The following BRSK2 variants were observed in gnomAD, a reference collection of about 807,000 sequenced individuals.
The protein encoded by BRSK2 is BR serine/threonine kinase 2, also known as serine/threonine-protein kinase BRSK2.
A neutral mutation model predicts 83.3 loss-of-function variants in BRSK2; 19 were observed. That is an observed-to-expected ratio of 0.23 (90% CI 0.16 to 0.33). The LOEUF is 0.33. Among genes scored for constraint, BRSK2 ranks in the 10% least tolerant of loss-of-function variants. The pLI is 1.00. For synonymous variants in BRSK2, 519 were observed against 435.4 expected (o/e 1.19, Z -2.39); for missense variants, 798 against 1,042.3 (o/e 0.77, Z 3.23).
chr11:1,434,180 C>T (rs570769644), intron 1 of BRSK2, among the ~76,000 whole-genome samples: 16 of 152,358 alleles, frequency 1.1e-4, no homozygotes, highest in African/African-American at 2.9e-4. Flanking sequence ...CAGTAAACAC[C>T]GGTGACGTCC....
chr11:1,452,784 T>C (rs1424579074), intron 15 of BRSK2, among the ~76,000 whole-genome samples: 2 of 151,770 alleles, frequency 1.3e-5, no homozygotes, highest in African/African-American at 4.8e-5. Context: ...ACAGCCCTTA[T>C]TGAGGGTCCT....
intron 1 of BRSK2, chr11:1,411,013 G>C (rs934855257): frequency 4.0e-6 from 4 of 1,003,168 alleles, no homozygotes; most frequent in Non-Finnish European, 4.8e-6. Context: ...GAGAACAGCC[G>C]TGCGTCTGCC....
chr11:1,448,826 C>T (rs1196373124), intron 12 of BRSK2, among the ~76,000 whole-genome samples: 9 of 152,240 alleles, frequency 5.9e-5, no homozygotes, highest in Non-Finnish European at 1.0e-4. Context: ...GACCAGCCCC[C>T]GGGTGTCCGG....
At chr11:1,406,448 G>C (rs1232067870) in intron 1 of BRSK2, among the ~76,000 whole-genome samples, 1 of 152,210 alleles carries the variant, frequency 6.6e-6, no homozygotes, top group African/African-American at 2.4e-5. Context: ...CTCCAGCCTG[G>C]GTGATAGAGC....
In BRSK2 at chr11:1,438,303, C is replaced by T. The variant is rs1850615583; in HGVS notation, c.187-3C>T. 6 of 1,613,866 alleles carry T rather than the reference C, an allele frequency of 3.7e-6. No homozygotes were observed. The highest frequency in any genetic ancestry group is 5.1e-6 in the Non-Finnish European group (6 of 1,179,802). ...GTGATGTTCTCTGGCCTCTCCCATG[C>T]AGGTGGAGCGGGAGATCGCGATCCT... On this transcript the variant is annotated splice_region_variant and splice_polypyrimidine_tract_variant and intron_variant, in intron 2 of 19. Transcript: ENST00000528841. This position sits in a 1 kb window ranked among gnomAD's most constrained non-coding sequence, Gnocchi z 6.4.
chr11:1,423,676 C>A lies in BRSK2; in HGVS notation c.92-12364C>A, dbSNP rs11026538. Among the ~76,000 whole-genome samples, 1 of 139,814 alleles carries A rather than the reference C, an allele frequency of 7.2e-6. No homozygotes were observed. The highest frequency in any genetic ancestry group is 1.5e-5 in the Non-Finnish European group (1 of 66,212). The allele number at this position is 139,814 out of a possible 152,430, so 91.7% of individuals were successfully genotyped here. A position where few individuals can be genotyped will look rare whatever the true frequency, so the allele number is the denominator to read the frequency against. ...AGGAAGCCCTGCCCCAAGCCTCCCC[C>A]GCTGGGCGTTCCGGGTGCCCCAGGC... On this transcript the variant is annotated intron_variant, in intron 1 of 19. Coordinates refer to ENST00000528841, the MANE Select transcript of BRSK2 (RefSeq NM_001256627.2). This position sits in a 1 kb window ranked among gnomAD's most constrained non-coding sequence, Gnocchi z 6.5.
intron 1 of BRSK2, among the ~76,000 whole-genome samples, chr11:1,427,109 C>T (rs1849321407): frequency 6.6e-6 from 1 of 152,182 alleles, no homozygotes; most frequent in African/African-American, 2.4e-5. Flanking sequence ...GGCTCCTGGA[C>T]CTGCAGCCCC....
At chr11:1,393,081 A>G (rs1329771881) in intron 1 of BRSK2, among the ~76,000 whole-genome samples, 1 of 152,174 alleles carries the variant, frequency 6.6e-6, no homozygotes, top group African/African-American at 2.4e-5. Context: ...CTTGGGGCTG[A>G]GAAAGGCTTG....
chr11:1,427,011 G>A (rs576068279), intron 1 of BRSK2, among the ~76,000 whole-genome samples: 43 of 152,206 alleles, frequency 2.8e-4, no homozygotes, highest in Middle Eastern at 3.4e-3. Context: ...GGGGCTGCGC[G>A]GGGTCCTTCC....
chr11:1,461,154 C>G lies in BRSK2; in HGVS notation c.*431C>G. 2 of 1,097,086 alleles carry G rather than the reference C, an allele frequency of 1.8e-6. No homozygotes were observed. Among genetic ancestry groups the G allele is most frequent in the Non-Finnish European group, 2.5e-6 (2 of 790,708 alleles). The allele number at this position is 1,097,086 out of a possible 1,614,324, so 68.0% of individuals were successfully genotyped here. ...CTCCGCACGGCCCGTGGGAGGAAGG[C>G]CAGGCTCGGGGGAGCCTCCTCCAGC... On this transcript the variant is annotated 3_prime_UTR_variant, in exon 20 of 20. Transcript: ENST00000528841.
Position 1,440,904 on chromosome 11 carries a change from A to G in BRSK2, c.389A>G (p.Asp130Gly). The G allele has an allele frequency of 6.2e-7, 1 of 1,609,012 alleles. No homozygotes were observed. The highest frequency in any genetic ancestry group is 8.5e-7 in the Non-Finnish European group (1 of 1,178,670). ...KFFRQIISAL[D>G]FCHSHSICHR... ...TTCCGGCAGATCATCTCTGCGCTGGACTTCTGCCACAGCCACTCCATATGG... is the reference window on the plus strand; with the variant it reads ...TTCCGGCAGATCATCTCTGCGCTGGGCTTCTGCCACAGCCACTCCATATGG... Residue 130 changes from aspartate to glycine, a missense_variant, in exon 4 of 20, where the codon GAC becomes GGC. Physicochemically the swap from Asp to Gly is moderately conservative, Grantham distance 94 (BLOSUM62 -1). This residue lies in a region of BRSK2 where 109 missense variants were observed against 259.2 expected (regional missense o/e 0.42). Transcript: ENST00000528841.
chr11:1,460,966 C>T lies in BRSK2; in HGVS notation c.*243C>T. The T allele has an allele frequency of 6.2e-7, 1 of 1,612,490 alleles. No individual in the cohort carries two copies. ...AGCATCGCTTGTTTCCACTCTGATA[C>T]CAGGAATTATCCCGAAAAGTTAACA... On this transcript the variant is annotated 3_prime_UTR_variant, in exon 20 of 20. Coordinates refer to ENST00000528841, the MANE Select transcript of BRSK2 (RefSeq NM_001256627.2).
intron 15 of BRSK2, chr11:1,453,979 G>A (rs1231877927): frequency 1.3e-5 from 2 of 154,434 alleles, no homozygotes; most frequent in Non-Finnish European, 2.9e-5. Flanking sequence ...GAGAGCAGAG[G>A]GCCTCTGCAT....
rs945859942 is a variant in BRSK2 at position 1,442,991 on chromosome 11, G to A, written c.531-115G>A. Reference sequence around the variant, plus strand: ...CTGGGGATGCAGGGAATGTGGGGGCGTCTGGCACCACAGCCCTGGAGGCCT... The same window carrying A: ...CTGGGGATGCAGGGAATGTGGGGGCATCTGGCACCACAGCCCTGGAGGCCT... On this transcript the variant is annotated intron_variant, in intron 5 of 19. Transcript: ENST00000528841. 87 of 1,222,182 alleles carry A rather than the reference G, an allele frequency of 7.1e-5. 1 individual carries two copies. Among genetic ancestry groups the A allele is most frequent in the Admixed American group, 1.4e-4 (5 of 35,804 alleles). 75.7% of individuals were successfully genotyped at this position (1,222,182 alleles called of 1,614,324 possible).
In BRSK2 at chr11:1,438,432, G is replaced by C. The variant is rs370134010; in HGVS notation, c.272+41G>C. 6.2e-5 allele frequency: 99 copies of C among 1,587,052 alleles called. 1 individual carries two copies. In the South Asian group the frequency reaches 8.2e-4, roughly 13 times the overall value. On this transcript the variant is annotated intron_variant, in intron 3 of 19. Transcript: ENST00000528841. The surrounding 1 kb of genome is among the most constrained non-coding windows in gnomAD (Gnocchi z 6.4). ...TCTGAAGAGCTGGGGTGGCGGAGGT[G>C]GCAGCTGTCGCTGCAGGGGTGGGTG...
chr11:1,411,744 G>A (rs1847528553), intron 1 of BRSK2: 2 of 1,429,026 alleles, frequency 1.4e-6, no homozygotes, highest in Admixed American at 2.2e-5. Context: ...GCACTGGTGG[G>A]CTGCACCTGC....
chr11:1,459,216 T>C lies in BRSK2; in HGVS notation c.1964T>C (p.Met655Thr), dbSNP rs200347162. The C allele has an allele frequency of 1.9e-5, 30 of 1,613,846 alleles. No individual in the cohort carries two copies. Among genetic ancestry groups the C allele is most frequent in the African/African-American group, 1.5e-4 (11 of 75,040 alleles). ...LSDTTNCMEMMTGRLSKCGSP... is the reference protein window; with the variant it reads ...LSDTTNCMEMTTGRLSKCGSP... ...GACACCACTAACTGTATGGAAATGA[T>C]GACGGGGCGGCTTTCCAAATGTGGT... The change falls in exon 19 of 20, where the codon ATG (methionine) becomes ACG (threonine). Residue 655 changes from methionine (M) to threonine (T), a missense_variant. Coordinates refer to ENST00000528841, the MANE Select transcript of BRSK2 (RefSeq NM_001256627.2).
At chr11:1,448,087 C>T (rs1590630407) in intron 12 of BRSK2, among the ~76,000 whole-genome samples, 1 of 152,184 alleles carries the variant, frequency 6.6e-6, no homozygotes, top group African/African-American at 2.4e-5. Flanking sequence ...AGGGACCACG[C>T]ACCATGGCTT....
chr11:1,398,659 C>G (rs1053327075), intron 1 of BRSK2, among the ~76,000 whole-genome samples: 2 of 152,218 alleles, frequency 1.3e-5, no homozygotes, highest in Non-Finnish European at 2.9e-5. Flanking sequence ...CCCTCCCACA[C>G]AAGCTCCGAG....
Sources: allele counts gnomAD v4.1 joint callset (sites outside exome capture counted in the v4.1 genomes callset), GRCh38; gene constraint gnomAD v4.1.1; regional missense constraint gnomAD v4.1.1; non-coding constraint Gnocchi (gnomAD v3.1); transcripts MANE v1.5; gene names NCBI Gene and HGNC (gene_info 2026-07-23, HGNC 2026-07-21).